Variants in DNAH3 observed in about 807,000 individuals in gnomAD.
DNAH3 encodes the protein axonemal beta dynein heavy chain 3.
In DNAH3, 332 loss-of-function variants were observed where a neutral mutation model predicts 432.5. The ratio of observed to expected loss-of-function variants is 0.77; its 90% CI spans 0.70 to 0.84. The LOEUF is 0.84. DNAH3 is among the 40% of genes least tolerant of loss of function. The pLI, the probability that DNAH3 is intolerant of heterozygous loss-of-function variation, is 0.00. For synonymous variants in DNAH3, 1,956 were observed against 1,900.2 expected, an observed-to-expected ratio of 1.03 and a Z score of -0.76; for missense variants, 4,861 against 5,114.0, an observed-to-expected ratio of 0.95 and a Z score of 1.51.
At chr16:21,083,382 T>C (rs544448442) in intron 19 of DNAH3, among the ~76,000 whole-genome samples, 1 of 152,272 alleles carries the variant, frequency 6.6e-6, no homozygotes. Flanking sequence ...GTAGTTACCG[T>C]TGAAATAACG....
chr16:20,957,846 A>G (rs958035192), intron 54 of DNAH3, among the ~76,000 whole-genome samples: 3 of 144,936 alleles, frequency 2.1e-5, no homozygotes, highest in African/African-American at 7.8e-5. Context: ...AAAAAAAAAA[A>G]AAAGAGAATC....
chr16:21,005,007 G>GTT (rs2087206239), intron 41 of DNAH3, among the ~76,000 whole-genome samples: 1 of 151,990 alleles, frequency 6.6e-6, no homozygotes, highest in Non-Finnish European at 1.5e-5. Context: ...TTAGTCTTAT[G>GTT]TTTATATTTC....
At chr16:21,038,004 C>T (rs372887161) in intron 33 of DNAH3, 24 bp from the exon 34 acceptor site, 137 of 1,604,436 alleles carry the variant, frequency 8.5e-5, no homozygotes, top group Non-Finnish European at 1.1e-4. Flanking sequence ...GACATGTATG[C>T]GGACACCCAG....
chr16:20,956,692 A>T (rs919130605), intron 54 of DNAH3, among the ~76,000 whole-genome samples: 2 of 152,108 alleles, frequency 1.3e-5, no homozygotes, highest in African/African-American at 4.8e-5. Flanking sequence ...AGATTAAGGC[A>T]CAACGCTTTT....
chr16:21,069,394 T>G, intron 23 of DNAH3, 21 bp downstream of exon 23: 12 of 1,605,102 alleles, frequency 7.5e-6, no homozygotes, highest in Non-Finnish European at 1.0e-5. Flanking sequence ...TGGTAAGAGT[T>G]ATTAGGGTAT....
At chr16:21,049,479 T>C in intron 31 of DNAH3, 90 bp downstream of exon 31, 3 of 978,470 alleles carry the variant, frequency 3.1e-6, no homozygotes, top group South Asian at 1.4e-5. Flanking sequence ...ATACAAGAGA[T>C]ATAAGGCCCT....
At chr16:20,986,766 C>T (rs897691202) in intron 47 of DNAH3, among the ~76,000 whole-genome samples, 3 of 152,178 alleles carry the variant, frequency 2.0e-5, no homozygotes, top group African/African-American at 7.2e-5. Context: ...GACGCTTTTG[C>T]ACTTGGCCTC....
intron 51 of DNAH3, among the ~76,000 whole-genome samples, chr16:20,971,013 G>A (rs939030787): frequency 3.1e-4 from 47 of 151,888 alleles, no homozygotes; most frequent in Admixed American, 9.8e-4. Context: ...GACTACAGGT[G>A]CCTACCACCA....
chr16:21,084,098 T>C (rs191004863), intron 19 of DNAH3, among the ~76,000 whole-genome samples: 1 of 152,204 alleles, frequency 6.6e-6, no homozygotes, highest in Admixed American at 6.6e-5. Flanking sequence ...TCCAATCCCC[T>C]TTCCCACCAC....
chr16:20,981,064 G>A (rs2085875181), intron 49 of DNAH3, among the ~76,000 whole-genome samples: 2 of 152,304 alleles, frequency 1.3e-5, no homozygotes, highest in South Asian at 4.1e-4. Context: ...AATAACAAGA[G>A]TGGGCAGCAG....
chr16:20,985,239 G>T, exon 48 of DNAH3: 2 of 1,614,130 alleles, frequency 1.2e-6, no homozygotes, highest in Non-Finnish European at 1.7e-6. Context: ...TGTCCTCCAC[G>T]AATGATTCAT....
intron 3 of DNAH3, among the ~76,000 whole-genome samples, chr16:21,142,254 C>A (rs1171177208): frequency 6.6e-6 from 1 of 151,916 alleles, no homozygotes; most frequent in Non-Finnish European, 1.5e-5. Context: ...GTAATCCCAG[C>A]TACTCAGGAG....
At chr16:20,965,296 A>G in exon 53 of DNAH3, 1 of 1,613,358 alleles carries the variant, frequency 6.2e-7, no homozygotes, top group Non-Finnish European at 8.5e-7. Context: ...GTGATTGATA[A>G]ACCTTTCCCG....
chr16:21,147,238 G>A lies in DNAH3; in HGVS notation c.118-1150C>T, dbSNP rs377181137. On this transcript the variant is annotated intron_variant, in intron 1 of 61. Coordinates refer to ENST00000261383, the Ensembl canonical transcript of DNAH3. The stretch of plus-strand genomic sequence containing the variant: ...TTGACTCTTGCATTTTTTTTTTTTT[G>A]AGATAGTCTCTCACTCTGTCACCCA... Among the ~76,000 whole-genome samples the A allele has an allele frequency of 1.4e-4, 19 of 136,660 alleles. No homozygotes were observed. In the East Asian group the frequency reaches 2.7e-3, roughly 20 times the overall value. The allele number at this position is 136,660 out of a possible 152,430, so 89.7% of individuals were successfully genotyped here. A position where few individuals can be genotyped will look rare whatever the true frequency, so the allele number is the denominator to read the frequency against.
intron 2 of DNAH3, among the ~76,000 whole-genome samples, chr16:21,145,689 T>C (rs1251311374): frequency 6.6e-6 from 1 of 152,178 alleles, no homozygotes; most frequent in Non-Finnish European, 1.5e-5. Flanking sequence ...GACTACAAGG[T>C]ACAAGCAATT....
At chr16:20,959,655 A>ACC (rs1555509963) in intron 53 of DNAH3, among the ~76,000 whole-genome samples, 165 of 138,266 alleles carry the variant, frequency 1.2e-3, no homozygotes, top group African/African-American at 3.2e-3. Flanking sequence ...ACACACACAC[A>ACC]CCCCAACACA....
At chr16:21,136,494 G>C in exon 6 of DNAH3, 1 of 1,614,066 alleles carries the variant, frequency 6.2e-7, no homozygotes, top group Non-Finnish European at 8.5e-7. Context: ...AATTCCATTG[G>C]TCAGATAGTA....
At chr16:20,988,140 C>T in intron 44 of DNAH3, 75 bp from the exon 45 acceptor site, 1 of 1,582,852 alleles carries the variant, frequency 6.3e-7, no homozygotes, top group South Asian at 1.2e-5. Context: ...CTAGGATGCA[C>T]ACGAGGTGGC....
chr16:21,062,920 T>C (rs924355710), intron 24 of DNAH3: 1 of 484,662 alleles, frequency 2.1e-6, no homozygotes, highest in Non-Finnish European at 3.7e-6. Flanking sequence ...ACTCCTGGGC[T>C]CAAGCAATCC....
Sources: allele counts gnomAD v4.1 joint callset (sites outside exome capture counted in the v4.1 genomes callset), GRCh38; gene constraint gnomAD v4.1.1; transcripts MANE v1.5; gene names NCBI Gene and HGNC (gene_info 2026-07-23, HGNC 2026-07-21).